The following USP15 variants were observed in gnomAD, a reference collection of about 807,000 sequenced individuals.
USP15 encodes ubiquitin carboxyl-terminal hydrolase 15.
Under a neutral mutation model 127.1 loss-of-function variants are expected in USP15, and 18 were observed. The observed-to-expected ratio is 0.14, with a 90% CI of 0.10 to 0.21. USP15 has a LOEUF of 0.21. Ranked by LOEUF, USP15 falls within the 10% of genes least tolerant of loss-of-function variation. USP15 has a pLI of 1.00. For synonymous variants in USP15, 364 were observed against 393.7 expected (o/e 0.92, Z 0.89); for missense variants, 805 against 1,159.9 (o/e 0.69, Z 4.44).
intron 6 of USP15, among the ~76,000 whole-genome samples, chr12:62,340,323 A>G (rs2065608794): frequency 6.6e-6 from 1 of 151,876 alleles, no homozygotes; most frequent in Non-Finnish European, 1.5e-5. Context: ...ATTTTTTTCC[A>G]AAAAACCAGC....
At chr12:62,356,745 T>G (rs1049432876) in intron 8 of USP15, among the ~76,000 whole-genome samples, 1 of 152,012 alleles carries the variant, frequency 6.6e-6, no homozygotes, top group African/African-American at 2.4e-5. Flanking sequence ...TAGTTAGACA[T>G]AGAGACAATT....
At chr12:62,313,504 G>A (rs1191783657) in intron 3 of USP15, among the ~76,000 whole-genome samples, 1 of 151,322 alleles carries the variant, frequency 6.6e-6, no homozygotes, top group Non-Finnish European at 1.5e-5. Flanking sequence ...TTTATTTTAG[G>A]ATTTTACTCA....
chr12:62,403,762 T>C (rs1003728718), intron 21 of USP15, among the ~76,000 whole-genome samples: 2 of 152,022 alleles, frequency 1.3e-5, no homozygotes, highest in African/African-American at 2.4e-5. Context: ...ACAGTGATGA[T>C]TGATGGAACA....
intron 5 of USP15, among the ~76,000 whole-genome samples, chr12:62,325,558 C>G (rs992306216): frequency 3.3e-5 from 5 of 152,016 alleles, no homozygotes; most frequent in Admixed American, 6.6e-5. Context: ...AATATATTCT[C>G]TAAATTCAAG....
intron 6 of USP15, among the ~76,000 whole-genome samples, chr12:62,348,017 T>C (rs2065868869): frequency 6.6e-6 from 1 of 151,892 alleles, no homozygotes; most frequent in Admixed American, 6.6e-5. Flanking sequence ...GGCTGGGCAA[T>C]ATGGTGAGAT....
intron 8 of USP15, among the ~76,000 whole-genome samples, chr12:62,371,900 TGTGA>T (rs2066683093): frequency 6.6e-6 from 1 of 152,172 alleles, no homozygotes; most frequent in Admixed American, 6.6e-5. Context: ...CTTCTGTGTG[TGTGA>T]GTAAGCAGGT....
chr12:62,281,085 C>T (rs11174412), intron 1 of USP15, among the ~76,000 whole-genome samples: 46,443 of 151,934 alleles, frequency 0.31, 7,308 homozygotes, highest in African/African-American at 0.37. Flanking sequence ...CTGTTGATTC[C>T]GTTCTAGTAT....
intron 8 of USP15, among the ~76,000 whole-genome samples, chr12:62,361,736 C>T (rs2137477642): frequency 6.6e-6 from 1 of 151,864 alleles, no homozygotes; most frequent in South Asian, 2.1e-4. Context: ...AAAGAAAAAC[C>T]TATTTCAGAT....
intron 6 of USP15, chr12:62,335,029 TCTTAC>T: frequency 1.4e-6 from 1 of 733,778 alleles, no homozygotes; most frequent in Non-Finnish European, 2.2e-6. Flanking sequence ...TAAATGGAAG[TCTTAC>T]CTTTTTCTGT....
chr12:62,280,622 A>G (rs566429363), intron 1 of USP15, among the ~76,000 whole-genome samples: 4 of 151,978 alleles, frequency 2.6e-5, no homozygotes, highest in Non-Finnish European at 5.9e-5. Flanking sequence ...TGATCTAATC[A>G]CCTCCTAATT....
At chr12:62,396,934 G>T (rs1292587777) in intron 20 of USP15, among the ~76,000 whole-genome samples, 2 of 152,036 alleles carry the variant, frequency 1.3e-5, no homozygotes, top group Non-Finnish European at 2.9e-5. Flanking sequence ...ATTGTTTATG[G>T]TATCGTATGT....
At chr12:62,396,180 A>G in intron 19 of USP15, 115 bp from the exon 20 acceptor site, 2 of 546,198 alleles carry the variant, frequency 3.7e-6, no homozygotes, top group South Asian at 3.3e-5. Flanking sequence ...ATAGATATAT[A>G]TAGATGGATA....
intron 6 of USP15, chr12:62,327,759 C>T (rs2065170552): frequency 2.7e-6 from 1 of 371,934 alleles, no homozygotes; most frequent in Non-Finnish European, 5.2e-6. Context: ...CATACTCATG[C>T]AATAAATATT....
intron 8 of USP15, among the ~76,000 whole-genome samples, chr12:62,370,592 A>G (rs765165576): frequency 6.6e-6 from 1 of 152,218 alleles, no homozygotes; most frequent in Non-Finnish European, 1.5e-5. Context: ...ACATATAAAA[A>G]TATCAAATAC....
At chr12:62,382,206 G>T (rs925056421) in intron 9 of USP15, among the ~76,000 whole-genome samples, 5 of 151,954 alleles carry the variant, frequency 3.3e-5, no homozygotes, top group African/African-American at 1.2e-4. Flanking sequence ...TCACATGTGT[G>T]AATTGTTACT....
intron 1 of USP15, among the ~76,000 whole-genome samples, chr12:62,261,488 T>G (rs1330538875): frequency 1.3e-5 from 2 of 152,130 alleles, no homozygotes; most frequent in Non-Finnish European, 2.9e-5. Flanking sequence ...ATTCATAGAG[T>G]GTTTCAGTAT....
At chr12:62,372,160 A>G (rs894181852) in intron 8 of USP15, among the ~76,000 whole-genome samples, 1 of 152,188 alleles carries the variant, frequency 6.6e-6, no homozygotes. Flanking sequence ...CTAAATTCCC[A>G]AAGATTGCAC....
At chr12:62,302,642 A>G (rs1335218691) in intron 2 of USP15, 148 bp from the exon 3 acceptor site, 1 of 653,806 alleles carries the variant, frequency 1.5e-6, no homozygotes, top group East Asian at 3.0e-5. Context: ...AAACCCAAAA[A>G]TTGGACACCC....
chr12:62,318,646 T>C (rs544009693), intron 4 of USP15, among the ~76,000 whole-genome samples: 249 of 152,302 alleles, frequency 1.6e-3, no homozygotes, highest in Non-Finnish European at 1.2e-3. Context: ...TGATAGGTCC[T>C]GCCCTGAAGT....
Sources: gnomAD v4.1 joint callset for allele counts (sites outside exome capture counted in the v4.1 genomes callset) on GRCh38, gnomAD v4.1.1 for gene constraint, MANE v1.5 for transcripts, NCBI Gene and HGNC (gene_info 2026-07-23, HGNC 2026-07-21) for gene names.